PCDHA10: variants seen among roughly 807,000 people sequenced by gnomAD.
PCDHA10 encodes protocadherin alpha-10.
PCDHA10 carries 45 observed loss-of-function variants against 61.2 expected under a neutral mutation model. The observed-to-expected ratio is 0.74, with a 90% CI of 0.58 to 0.94. PCDHA10 has a LOEUF of 0.94. Among genes scored for constraint, PCDHA10 ranks in the 40% least tolerant of loss-of-function variants. The pLI, the probability that PCDHA10 is intolerant of heterozygous loss-of-function variation, is 0.00. For synonymous variants in PCDHA10, 602 were observed against 548.8 expected (o/e 1.10, Z -1.35); for missense variants, 1,278 against 1,236.2 (o/e 1.03, Z -0.51).
intron 1 of PCDHA10, among the ~76,000 whole-genome samples, chr5:140,924,565 T>A (rs1213361312): frequency 2.0e-5 from 3 of 152,102 alleles, no homozygotes; most frequent in Admixed American, 2.0e-4. Flanking sequence ...TAATCAGCAA[T>A]TTTTAAATGT....
rs782239316 is a variant in PCDHA10 at position 140,877,376 on chromosome 5, G to T, written c.2388+18940G>T. 6.2e-6 allele frequency: 10 copies of T among 1,613,896 alleles called. No individual in the cohort carries two copies. The South Asian group carries it at 6.6e-5, about 11-fold the overall frequency. On this transcript the variant is annotated intron_variant, in intron 1 of 3. Transcript: ENST00000307360. The stretch of plus-strand genomic sequence containing the variant: ...TACACTGGCGAGATCAGCACGACAC[G>T]CATCCTGGATGAGGCGGACGCTCCG...
intron 1 of PCDHA10, among the ~76,000 whole-genome samples, chr5:140,894,198 T>A (rs1431922646): frequency 3.9e-5 from 6 of 152,168 alleles, no homozygotes; most frequent in African/African-American, 1.4e-4. Flanking sequence ...ATTTTTTCTA[T>A]GCTATTATAT....
At chr5:140,875,761 G>C (rs373515339) in intron 1 of PCDHA10, 4 of 1,614,118 alleles carry the variant, frequency 2.5e-6, no homozygotes, top group East Asian at 4.5e-5. Context: ...GAAGCTGTGC[G>C]GGCGGAGCGC....
intron 1 of PCDHA10, among the ~76,000 whole-genome samples, chr5:140,938,831 A>G (rs782069247): frequency 2.0e-5 from 3 of 152,118 alleles, no homozygotes; most frequent in Non-Finnish European, 4.4e-5. Flanking sequence ...AGTTTGCGTT[A>G]TAACAAACCT....
chr5:140,970,059 G>C (rs2096380498), intron 1 of PCDHA10, among the ~76,000 whole-genome samples: 1 of 152,150 alleles, frequency 6.6e-6, no homozygotes. Context: ...GTCCAGGGAG[G>C]TATTAGAATG....
intron 1 of PCDHA10, among the ~76,000 whole-genome samples, chr5:140,910,512 G>A (rs2075055738): frequency 6.6e-6 from 1 of 152,144 alleles, no homozygotes; most frequent in Admixed American, 6.5e-5. Flanking sequence ...GCTCTTCAAG[G>A]ATGCAGGTAC....
chr5:140,874,630 G>A (rs1299205823), intron 1 of PCDHA10, among the ~76,000 whole-genome samples: 2 of 152,212 alleles, frequency 1.3e-5, no homozygotes, highest in Non-Finnish European at 2.9e-5. Context: ...TTACATTAAA[G>A]TGCTTTACTT....
intron 1 of PCDHA10, among the ~76,000 whole-genome samples, chr5:140,891,067 C>G (rs2062935872): frequency 6.6e-6 from 1 of 152,096 alleles, no homozygotes; most frequent in Admixed American, 6.6e-5. Flanking sequence ...AAATATTATT[C>G]CAGTGTCTAC....
At chr5:140,871,302 G>A in intron 1 of PCDHA10, 1 of 1,613,972 alleles carries the variant, frequency 6.2e-7, no homozygotes, top group Non-Finnish European at 8.5e-7. Context: ...CGTGCGCGCC[G>A]GGGAAGCCCA....
intron 1 of PCDHA10, among the ~76,000 whole-genome samples, chr5:140,892,939 C>G (rs1583111138): frequency 6.6e-6 from 1 of 152,188 alleles, no homozygotes; most frequent in Non-Finnish European, 1.5e-5. Context: ...CTGATAAGCA[C>G]AATACTACTT....
At chr5:140,942,927 A>T (rs914550511) in intron 1 of PCDHA10, among the ~76,000 whole-genome samples, 2 of 152,104 alleles carry the variant, frequency 1.3e-5, no homozygotes, top group Non-Finnish European at 2.9e-5. Flanking sequence ...AAAAAAATTG[A>T]AAAAGAGTTT....
intron 1 of PCDHA10, chr5:140,859,716 A>T (rs2045984140): frequency 1.3e-5 from 2 of 154,266 alleles, no homozygotes. Flanking sequence ...CACCAAAAAA[A>T]AATTGTGGCA....
At chr5:140,903,183 T>A (rs1392196705) in intron 1 of PCDHA10, among the ~76,000 whole-genome samples, 3 of 152,194 alleles carry the variant, frequency 2.0e-5, no homozygotes, top group Admixed American at 2.0e-4. Flanking sequence ...CCACCAATAG[T>A]ATAAAAGAGT....
Position 140,858,344 on chromosome 5 carries a change from G to A in PCDHA10, c.2296G>A (p.Asp766Asn), listed in dbSNP as rs371621182. 1.0e-5 allele frequency: 16 copies of A among 1,595,144 alleles called. No homozygotes were observed. In the East Asian group the frequency reaches 3.6e-4, roughly 36 times the overall value. Residue 766 changes from aspartate (D) to asparagine (N), a missense_variant, in exon 1 of 4, where the codon GAC becomes AAC. Physicochemically the swap from Asp to Asn is conservative, Grantham distance 23. Coordinates refer to ENST00000307360, the MANE Select transcript of PCDHA10 (RefSeq NM_018901.4). ...VCSGEGLPKA[D>N]LMAFSPSLPP... is the part of the protein sequence containing the mutation. Reference sequence around the variant, plus strand: ...TTCTGGGGAGGGCCTGCCCAAGGCGGACCTCATGGCCTTCAGCCCCAGCCT... The same window carrying A: ...TTCTGGGGAGGGCCTGCCCAAGGCGAACCTCATGGCCTTCAGCCCCAGCCT...
chr5:140,924,900 A>T (rs622703), intron 1 of PCDHA10, among the ~76,000 whole-genome samples: 5 of 63,248 alleles, frequency 7.9e-5, no homozygotes, highest in Admixed American at 1.7e-4. Flanking sequence ...GTCTCAAAAA[A>T]AAAAATAAAA....
At chr5:140,982,237 G>T (rs2096973071) in intron 2 of PCDHA10, 1 of 665,404 alleles carries the variant, frequency 1.5e-6, no homozygotes, top group East Asian at 3.5e-5. Context: ...AAACAGAATT[G>T]CCATAAAGAT....
chr5:140,918,585 T>A (rs147777186), intron 1 of PCDHA10, among the ~76,000 whole-genome samples: 51 of 152,368 alleles, frequency 3.3e-4, no homozygotes, highest in African/African-American at 9.9e-4. Context: ...ATTGGCTATA[T>A]GTTCTATAGA....
intron 1 of PCDHA10, chr5:140,927,167 C>A (rs782612848): frequency 6.2e-7 from 1 of 1,614,164 alleles, no homozygotes; most frequent in Admixed American, 1.7e-5. Context: ...GCCAAAGCTG[C>A]CTGCGTCTTG....
At chr5:140,934,930 C>G (rs1467115569) in intron 1 of PCDHA10, among the ~76,000 whole-genome samples, 2 of 152,102 alleles carry the variant, frequency 1.3e-5, no homozygotes, top group Non-Finnish European at 2.9e-5. Context: ...CATAAAGTTA[C>G]AAAACTAGTA....
Sources: gnomAD v4.1 joint callset for allele counts (sites outside exome capture counted in the v4.1 genomes callset) on GRCh38, gnomAD v4.1.1 for gene constraint, MANE v1.5 for transcripts, NCBI Gene and HGNC (gene_info 2026-07-23, HGNC 2026-07-21) for gene names.